Variants in EFNA3 observed in about 807,000 individuals in gnomAD.
The protein encoded by EFNA3 is ephrin A3.
Under a neutral mutation model 25.0 loss-of-function variants are expected in EFNA3, and 15 were observed. That is an observed-to-expected ratio of 0.60 (90% confidence interval 0.40 to 0.92). The LOEUF (loss-of-function observed/expected upper bound fraction) is 0.92, where lower values mean the gene tolerates loss of function less well. Among genes scored for constraint, EFNA3 ranks in the 40% least tolerant of loss-of-function variants. The pLI is 0.00. For missense variants in EFNA3, 298 were observed against 323.8 expected (o/e 0.92, Z 0.61); for synonymous variants, 153 against 145.6 (o/e 1.05, Z -0.37).
In EFNA3 at chr1:155,082,217, C is replaced by G. The variant is rs1006231230; in HGVS notation, c.129-2874C>G. ...GCCTCGCCTGCTGGAGCGGGCGGCG[C>G]GCAGCCTCGGGGGCGCGCGCTAGAG... On this transcript the variant is annotated intron_variant, in intron 1 of 4. Coordinates refer to ENST00000368408, the MANE Select transcript of EFNA3 (RefSeq NM_004952.5). Among the ~76,000 whole-genome samples, 6 of 152,196 alleles carry G rather than the reference C, an allele frequency of 3.9e-5. No individual in the cohort carries two copies. In the East Asian group the frequency reaches 9.6e-4, roughly 24 times the overall value.
intron 1 of EFNA3, among the ~76,000 whole-genome samples, chr1:155,082,051 C>A (rs1043860312): frequency 6.6e-6 from 1 of 152,178 alleles, no homozygotes. Context: ...CAGACTGGGA[C>A]GGGCGGGGCG....
In EFNA3 at chr1:155,086,187, G is replaced by A. The variant is rs17723260; in HGVS notation, c.568G>A (p.Val190Met). Residue 190 changes from valine (V) to methionine (M), a missense_variant, in exon 4 of 5, where the codon GTG (valine) becomes ATG (methionine). Val to Met is a conservative substitution (Grantham distance 21). Coordinates refer to ENST00000368408, the MANE Select transcript of EFNA3 (RefSeq NM_004952.5). ...TLPQFTMGPN[V>M]KINVLEDFEG... ...CCCCCAGTTCACCATGGGCCCCAAT[G>A]TGAAGATCAACGTGCTGGGTGAGTC... 0.13 allele frequency: 210,997 copies of A among 1,613,090 alleles called. 14,775 individuals carry two copies. The highest frequency in any genetic ancestry group is 0.18 in the Middle Eastern group (1,085 of 6,044).
At position 155,081,170 on chromosome 1, in the gene EFNA3, G is replaced by A. The variant is rs997920665; in HGVS notation, c.128+2101G>A. On this transcript the variant is annotated intron_variant, in intron 1 of 4. Coordinates refer to ENST00000368408, the MANE Select transcript of EFNA3 (RefSeq NM_004952.5). This position sits in a 1 kb window ranked among gnomAD's most constrained non-coding sequence, Gnocchi z 5.2. ...GTCGGCCTCCTTTGACAGACCTGGGGACTGTGCCTTGCACACCGGCCGCGA... is the reference window on the plus strand; with the variant it reads ...GTCGGCCTCCTTTGACAGACCTGGGAACTGTGCCTTGCACACCGGCCGCGA... Among the ~76,000 whole-genome samples the A allele has an allele frequency of 2.6e-5, 4 of 152,342 alleles. No homozygotes were observed. The South Asian group carries it at 6.2e-4, about 24-fold the overall frequency.
In EFNA3 at chr1:155,086,250, GC is replaced by G. The variant is rs749078932; in HGVS notation, c.586+51del. On this transcript the variant is annotated intron_variant, in intron 4 of 4. Transcript: ENST00000368408. ...TCTGGTGGCCACTGCTGGAACCGCA[GC>G]CCCCCGCCCCGGTGCCTGCTCACCT... 10 of 1,605,360 alleles carry G rather than the reference GC, an allele frequency of 6.2e-6. No individual in the cohort carries two copies. The East Asian group carries it at 6.7e-5, about 11-fold the overall frequency.
intron 4 of EFNA3, 56 bp downstream of exon 4, chr1:155,086,261 C>T: frequency 1.3e-6 from 2 of 1,598,876 alleles, no homozygotes; most frequent in Admixed American, 1.7e-5. Context: ...CCCCCCGCCC[C>T]GGTGCCTGCT....
At position 155,085,214 on chromosome 1, in the gene EFNA3, G is replaced by A. The variant is rs1161334285; in HGVS notation, c.252G>A (p.Glu84=). ...GACCGGGGCCCGGAGGCGGGGCAGA[G>A]CAGTACGTGCTGTACATGGTGAGCC... ...GAGPGPGGGA[E]QYVLYMVSRN... Residue 84 remains glutamate (E), a synonymous_variant, in exon 2 of 5, where the codon GAG becomes GAA. Transcript: ENST00000368408. This position sits in a 1 kb window ranked among gnomAD's most constrained non-coding sequence, Gnocchi z 4.4. The A allele has an allele frequency of 3.7e-6, 6 of 1,613,152 alleles. No individual in the cohort carries two copies. The highest frequency in any genetic ancestry group is 1.1e-5 in the South Asian group (1 of 91,046).
chr1:155,085,015 G>A lies in EFNA3; in HGVS notation c.129-76G>A, dbSNP rs552649630. On this transcript the variant is annotated intron_variant, in intron 1 of 4. Transcript: ENST00000368408. The surrounding 1 kb of genome is among the most constrained non-coding windows in gnomAD (Gnocchi z 4.4). ...GAAGGCTACGCGGACCCTGGGGAGG[G>A]GCTGCGGAGCGGTCAGATGGAAAGC... 21 of 1,526,250 alleles carry A rather than the reference G, an allele frequency of 1.4e-5. No individual in the cohort carries two copies. The East Asian group carries it at 3.6e-4, about 26-fold the overall frequency. The allele number at this position is 1,526,250 out of a possible 1,614,324, so 94.5% of individuals were successfully genotyped here.
At position 155,086,211 on chromosome 1, in the gene EFNA3, T is replaced by C. The variant is rs774382742; in HGVS notation, c.586+6T>C. 1 of 1,613,000 alleles carries C rather than the reference T, an allele frequency of 6.2e-7. No homozygotes were observed. Among genetic ancestry groups the C allele is most frequent in the Non-Finnish European group, 8.5e-7 (1 of 1,179,606 alleles). ...TGTGAAGATCAACGTGCTGGGTGAG[T>C]CTGCGCAGCGCCCTCTGGTGGCCAC... On this transcript the variant is annotated splice_donor_region_variant and intron_variant, in intron 4 of 4. Transcript: ENST00000368408.
Position 155,085,587 on chromosome 1 carries a change from C to G in EFNA3, c.442+183C>G. Reference sequence around the variant, plus strand: ...TTCAGCTCAGACGAGGTCGTGGGGCCAAGAGAGGAGTTTGGTGACAGTCCC... The same window carrying G: ...TTCAGCTCAGACGAGGTCGTGGGGCGAAGAGAGGAGTTTGGTGACAGTCCC... On this transcript the variant is annotated intron_variant, in intron 2 of 4. Transcript: ENST00000368408. The surrounding 1 kb of genome is among the most constrained non-coding windows in gnomAD (Gnocchi z 4.4). 1.3e-6 allele frequency: 1 copy of G among 789,852 alleles called. No individual in the cohort carries two copies. The highest frequency in any genetic ancestry group is 2.7e-5 in the East Asian group (1 of 36,820). The allele number at this position is 789,852 out of a possible 1,614,324, so 48.9% of individuals were successfully genotyped here. A position where few individuals can be genotyped will look rare whatever the true frequency, so the allele number is the denominator to read the frequency against.
At chr1:155,084,969 G>A (rs1663420837) in intron 1 of EFNA3, 122 bp from the exon 2 acceptor site, 1 of 1,147,498 alleles carries the variant, frequency 8.7e-7, no homozygotes, top group Non-Finnish European at 1.3e-6. Flanking sequence ...TGAGCCGCGA[G>A]GAAGCTCGGA....
Position 155,085,363 on chromosome 1 carries a change from T to A in EFNA3, c.401T>A (p.Leu134Gln). The change falls in exon 2 of 5, where the codon CTG becomes CAG. Residue 134 changes from leucine (L) to glutamine (Q), a missense_variant. Leu to Gln is a moderately radical substitution (Grantham distance 113). Coordinates refer to ENST00000368408, the MANE Select transcript of EFNA3 (RefSeq NM_004952.5). The surrounding 1 kb of genome is among the most constrained non-coding windows in gnomAD (Gnocchi z 4.4). ...EKFQRYSAFS[L>Q]GYEFHAGHEY... is the part of the protein sequence containing the mutation. Reference sequence around the variant, plus strand: ...TTCCAGCGCTACAGCGCCTTCTCTCTGGGCTACGAGTTCCACGCCGGCCAC... The same window carrying A: ...TTCCAGCGCTACAGCGCCTTCTCTCAGGGCTACGAGTTCCACGCCGGCCAC... The A allele has an allele frequency of 6.2e-7, 1 of 1,611,726 alleles. No homozygotes were observed.
At position 155,080,407 on chromosome 1, in the gene EFNA3, C is replaced by G. The variant is rs983327458; in HGVS notation, c.128+1338C>G. Among the ~76,000 whole-genome samples the G allele has an allele frequency of 6.6e-6, 1 of 152,154 alleles. No individual in the cohort carries two copies. Among genetic ancestry groups the G allele is most frequent in the Non-Finnish European group, 1.5e-5 (1 of 67,998 alleles). On this transcript the variant is annotated intron_variant, in intron 1 of 4. Coordinates refer to ENST00000368408, the MANE Select transcript of EFNA3 (RefSeq NM_004952.5). The surrounding 1 kb of genome is among the most constrained non-coding windows in gnomAD (Gnocchi z 7.0). ...AGCCAACGACGCCCCCCTCTCGCTT[C>G]CCATGGAAACCTCGGGGGTGGGGAC...
chr1:155,086,132 G>A lies in EFNA3; in HGVS notation c.513G>A (p.Ser171=). 6.4e-7 allele frequency: 1 copy of A among 1,563,010 alleles called. No individual in the cohort carries two copies. ...CACCCGCACCCCACCCCGCAGCATCGCACTCCGGGGAGAAGCCGGTCCCCA... is the reference window on the plus strand; with the variant it reads ...CACCCGCACCCCACCCCGCAGCATCACACTCCGGGGAGAAGCCGGTCCCCA... The part of the protein sequence containing the change: ...MKVFVCCAST[S]HSGEKPVPTL... The change falls in exon 4 of 5, where the codon TCG becomes TCA. Residue 171 remains serine, a synonymous_variant. Transcript: ENST00000368408.
In EFNA3 at chr1:155,086,687, G is replaced by T. The variant is rs953177230; in HGVS notation, c.*144G>T. ...GGGCCTGCACCATACATCTGTGTCC[G>T]CCCCCTCTACCCCTTCCCCCCACGT... is the stretch of plus-strand genomic sequence containing the variant. On this transcript the variant is annotated 3_prime_UTR_variant, in exon 5 of 5. Coordinates refer to ENST00000368408, the MANE Select transcript of EFNA3 (RefSeq NM_004952.5). The T allele has an allele frequency of 1.3e-5, 13 of 1,037,160 alleles. No individual in the cohort carries two copies. Among genetic ancestry groups the T allele is most frequent in the Non-Finnish European group, 1.5e-5 (11 of 728,728 alleles). The allele number at this position is 1,037,160 out of a possible 1,614,324, so 64.2% of individuals were successfully genotyped here. A position where few individuals can be genotyped will look rare whatever the true frequency, so the allele number is the denominator to read the frequency against.
chr1:155,085,546 C>G lies in EFNA3; in HGVS notation c.442+142C>G. The G allele has an allele frequency of 9.4e-7, 1 of 1,068,500 alleles. No individual in the cohort carries two copies. Among genetic ancestry groups the G allele is most frequent in the Non-Finnish European group, 1.3e-6 (1 of 762,698 alleles). 66.2% of individuals were successfully genotyped at this position (1,068,500 alleles called of 1,614,324 possible). ...TGAGACCAGGGAGGAGGCGTGGGCA[C>G]GGGACGCCTGAGGGGTTCAGCTCAG... On this transcript the variant is annotated intron_variant, in intron 2 of 4. Coordinates refer to ENST00000368408, the MANE Select transcript of EFNA3 (RefSeq NM_004952.5). This position sits in a 1 kb window ranked among gnomAD's most constrained non-coding sequence, Gnocchi z 4.4.
At position 155,085,229 on chromosome 1, in the gene EFNA3, CA is replaced by C; in HGVS notation, c.268del (p.Met90TrpfsTer2). On this transcript the variant is annotated frameshift_variant, in exon 2 of 5. Coordinates refer to ENST00000368408, the MANE Select transcript of EFNA3 (RefSeq NM_004952.5). LOFTEE classifies it high-confidence loss of function. This position sits in a 1 kb window ranked among gnomAD's most constrained non-coding sequence, Gnocchi z 4.4. ...GCGGGGCAGAGCAGTACGTGCTGTA[CA>C]TGGTGAGCCGCAACGGCTACCGCAC... is the stretch of plus-strand genomic sequence containing the variant. ...GGGAEQYVLY[M>X]VSRNGYRTCN... The C allele has an allele frequency of 6.2e-7, 1 of 1,613,066 alleles. No individual in the cohort carries two copies. Among genetic ancestry groups the C allele is most frequent in the Non-Finnish European group, 8.5e-7 (1 of 1,179,768 alleles).
At chr1:155,086,248 C>T (rs1663458438) in intron 4 of EFNA3, 43 bp downstream of exon 4, 1 of 1,604,964 alleles carries the variant, frequency 6.2e-7, no homozygotes, top group African/African-American at 1.3e-5. Flanking sequence ...GCTGGAACCG[C>T]AGCCCCCCGC....
Position 155,078,906 on chromosome 1 carries a change from C to G in EFNA3, c.-36C>G. 1 of 1,356,596 alleles carries G rather than the reference C, an allele frequency of 7.4e-7. No homozygotes were observed. The highest frequency in any genetic ancestry group is 4.1e-5 in the Admixed American group (1 of 24,442). The allele number at this position is 1,356,596 out of a possible 1,614,324, so 84.0% of individuals were successfully genotyped here. A position where few individuals can be genotyped will look rare whatever the true frequency, so the allele number is the denominator to read the frequency against. ...AAGCGGAGAAGCCGGGAGCGCGGGG[C>G]TCAGTCGGGGGGCGGCGGCGGCGGC... On this transcript the variant is annotated 5_prime_UTR_variant, in exon 1 of 5. Coordinates refer to ENST00000368408, the MANE Select transcript of EFNA3 (RefSeq NM_004952.5).
chr1:155,085,061 T>C lies in EFNA3; in HGVS notation c.129-30T>C. 1 of 1,608,578 alleles carries C rather than the reference T, an allele frequency of 6.2e-7. No individual in the cohort carries two copies. The highest frequency in any genetic ancestry group is 2.2e-5 in the East Asian group (1 of 44,744). On this transcript the variant is annotated intron_variant, in intron 1 of 4. Coordinates refer to ENST00000368408, the MANE Select transcript of EFNA3 (RefSeq NM_004952.5). The surrounding 1 kb of genome is among the most constrained non-coding windows in gnomAD (Gnocchi z 4.4). ...AAAGCGGCTTTGCTCTGGGGTTTCT[T>C]CTCTCTGAGCCGCTTCCTCTTCCCC...
Sources: gnomAD v4.1 joint callset for allele counts (sites outside exome capture counted in the v4.1 genomes callset) on GRCh38, gnomAD v4.1.1 for gene constraint, Gnocchi (gnomAD v3.1) non-coding constraint, MANE v1.5 for transcripts, NCBI Gene and HGNC (gene_info 2026-07-23, HGNC 2026-07-21) for gene names.